Variants in POM121 observed in about 807,000 individuals in gnomAD.
POM121 encodes the protein POM121 transmembrane nucleoporin.
In POM121, 32 loss-of-function variants were observed where a neutral mutation model predicts 81.3. The observed-to-expected ratio is 0.39, with a 90% CI of 0.30 to 0.53. POM121 has a LOEUF of 0.53. POM121 is among the 20% of genes least tolerant of loss of function. POM121 has a pLI of 0.66. For synonymous variants in POM121, 514 were observed against 694.2 expected (o/e 0.74, Z 4.08); for missense variants, 1,138 against 1,614.6 (o/e 0.70, Z 5.06).
intron 3 of POM121, among the ~76,000 whole-genome samples, chr7:72,903,154 G>T (rs1438914972): frequency 2.0e-5 from 3 of 152,080 alleles, no homozygotes; most frequent in Non-Finnish European, 4.4e-5. Context: ...GAAAAAAAGA[G>T]GCCAGGCATA....
At chr7:72,945,164 G>T (rs374399099) in intron 11 of POM121, among the ~76,000 whole-genome samples, 3,594 of 130,138 alleles carry the variant, frequency 0.028, 1 homozygote, top group East Asian at 0.099. Context: ...GAAGGGAGGG[G>T]ACCACGGGGC....
intron 1 of POM121, among the ~76,000 whole-genome samples, chr7:72,889,889 C>G (rs1361995358): frequency 2.6e-5 from 4 of 152,086 alleles, no homozygotes; most frequent in Admixed American, 2.6e-4. Flanking sequence ...ATTCTTCCTC[C>G]CCTTCATCCC....
At chr7:72,900,628 G>A (rs1554492514) in intron 3 of POM121, among the ~76,000 whole-genome samples, 1 of 151,738 alleles carries the variant, frequency 6.6e-6, no homozygotes, top group African/African-American at 2.4e-5. Context: ...CCTCAGCTTG[G>A]GAGTAGCTAG....
intron 3 of POM121, among the ~76,000 whole-genome samples, chr7:72,894,641 G>GAC (rs1329726773): frequency 3.3e-5 from 4 of 121,908 alleles, no homozygotes; most frequent in Admixed American, 1.6e-4. Flanking sequence ...GAGAGAGAGA[G>GAC]AGAGAGAGAG....
intron 3 of POM121, among the ~76,000 whole-genome samples, chr7:72,904,920 C>T (rs1563141565): frequency 1.3e-5 from 2 of 152,136 alleles, no homozygotes; most frequent in Non-Finnish European, 2.9e-5. Flanking sequence ...CATCAGATCT[C>T]GTGAGAACTC....
chr7:72,898,979 C>CTTTTTTT lies in POM121; in HGVS notation c.-216+7889_-216+7895dup, dbSNP rs1176371162. Among the ~76,000 whole-genome samples the CTTTTTTT allele has an allele frequency of 1.3e-3, 46 of 34,104 alleles. 1 individual carries two copies. Among genetic ancestry groups the CTTTTTTT allele is most frequent in the Non-Finnish European group, 2.1e-3 (43 of 20,390 alleles). The allele number at this position is 34,104 out of a possible 152,430, so 22.4% of individuals were successfully genotyped here. A position where few individuals can be genotyped will look rare whatever the true frequency, so the allele number is the denominator to read the frequency against. Reference sequence around the variant, plus strand: ...TCTGTGTTTCTTTTTCTTTTCTTTTCTTTTTTTTTTTTTTTTTTTTTTTTT... The same window carrying CTTTTTTT: ...TCTGTGTTTCTTTTTCTTTTCTTTTCTTTTTTTTTTTTTTTTTTTTTTTTTTTTTTTT... On this transcript the variant is annotated intron_variant, in intron 3 of 15. Transcript: ENST00000395270.
chr7:72,883,057 T>A (rs1387263468), intron 1 of POM121, among the ~76,000 whole-genome samples: 2 of 152,176 alleles, frequency 1.3e-5, no homozygotes, highest in African/African-American at 4.8e-5. Flanking sequence ...TTTCTTTTTT[T>A]GAGATAGGGT....
rs531613413 is a variant in POM121 at position 72,891,036 on chromosome 7, A to T, written c.-290A>T. On this transcript the variant is annotated 5_prime_UTR_variant, in exon 3 of 16. Coordinates refer to the POM121 transcript ENST00000395270. ...ACAAGATATGATATCACCAAGCCAAACGTCATCATTAAGTTGGAGCAGGGA... is the reference window on the plus strand; with the variant it reads ...ACAAGATATGATATCACCAAGCCAATCGTCATCATTAAGTTGGAGCAGGGA... The T allele has an allele frequency of 1.1e-5, 9 of 789,024 alleles. No individual in the cohort carries two copies. In the East Asian group the frequency reaches 2.2e-4, roughly 19 times the overall value. 48.9% of individuals were successfully genotyped at this position (789,024 alleles called of 1,614,324 possible).
At chr7:72,902,414 C>G (rs541028860) in intron 3 of POM121, among the ~76,000 whole-genome samples, 13 of 150,810 alleles carry the variant, frequency 8.6e-5, no homozygotes, top group Non-Finnish European at 1.3e-4. Flanking sequence ...AGGCACCCAC[C>G]ACCATGCCTG....
chr7:72,921,392 T>G (rs1251786358), upstream of POM121, among the ~76,000 whole-genome samples: 1 of 152,134 alleles, frequency 6.6e-6, no homozygotes, highest in Non-Finnish European at 1.5e-5. Flanking sequence ...CATAGTGCCC[T>G]CCTTTCTTTT....
intron 3 of POM121, among the ~76,000 whole-genome samples, chr7:72,893,945 C>G (rs1210600151): frequency 6.6e-6 from 1 of 152,112 alleles, no homozygotes; most frequent in African/African-American, 2.4e-5. Context: ...CTGTGCTGCC[C>G]CCTCCCCCTG....
At chr7:72,918,861 G>A (rs556415203) in intron 4 of POM121, among the ~76,000 whole-genome samples, 2 of 151,838 alleles carry the variant, frequency 1.3e-5, no homozygotes, top group Non-Finnish European at 2.9e-5. Context: ...GCAGTGGCGC[G>A]ATCTCGGCTC....
At chr7:72,881,462 A>G (rs1790151542) in intron 1 of POM121, among the ~76,000 whole-genome samples, 1 of 150,472 alleles carries the variant, frequency 6.6e-6, no homozygotes, top group African/African-American at 2.4e-5. Flanking sequence ...CGGAGCCCTC[A>G]TGACTTCAGT....
intron 5 of POM121, among the ~76,000 whole-genome samples, chr7:72,935,816 A>AT (rs1554499360): frequency 1.3e-5 from 2 of 152,094 alleles, no homozygotes; most frequent in African/African-American, 4.8e-5. Flanking sequence ...GCCTTCATAT[A>AT]TGCTATTCTA....
intron 4 of POM121, among the ~76,000 whole-genome samples, chr7:72,914,507 T>C (rs1222393566): frequency 4.0e-5 from 6 of 151,726 alleles, no homozygotes; most frequent in African/African-American, 1.5e-4. Context: ...TTTTTTTTTT[T>C]TAACTTTTTG....
At chr7:72,933,865 A>G (rs1171042072) in intron 5 of POM121, among the ~76,000 whole-genome samples, 2 of 152,212 alleles carry the variant, frequency 1.3e-5, no homozygotes, top group Non-Finnish European at 2.9e-5. Flanking sequence ...GGAATATACT[A>G]TGTAACTATG....
intron 3 of POM121, among the ~76,000 whole-genome samples, chr7:72,928,119 T>C (rs1337765828): frequency 6.6e-6 from 1 of 152,060 alleles, no homozygotes; most frequent in Non-Finnish European, 1.5e-5. Flanking sequence ...GGCAGGAGAA[T>C]CGCTTGAACC....
At position 72,942,950 on chromosome 7, in the gene POM121, C is replaced by T. The variant is rs782185916; in HGVS notation, c.2957C>T (p.Ala986Val). Residue 986 changes from alanine (A) to valine (V), a missense_variant, in exon 11 of 13, where the codon GCC (alanine) becomes GTC (valine). Physicochemically the swap from Ala to Val is moderately conservative, Grantham distance 64 (BLOSUM62 0). This residue lies in a region of POM121 where 45 missense variants were observed against 75.7 expected (regional missense o/e 0.59). Coordinates refer to ENST00000434423, the MANE Select transcript of POM121 (RefSeq NM_001387691.1). ...CAGCCACCGGGGGCCGCCAAGCCGG[C>T]CCTTGCCCCCAGCTTTGGCAGCTCT... ...EGQPPGAAKP[A>V]LAPSFGSSFT... 4 of 1,606,158 alleles carry T rather than the reference C, an allele frequency of 2.5e-6. No individual in the cohort carries two copies. The highest frequency in any genetic ancestry group is 3.4e-6 in the Non-Finnish European group (4 of 1,176,944).
At chr7:72,945,542 C>T in intron 11 of POM121, 44 bp from the exon 12 acceptor site, 2 of 1,611,036 alleles carry the variant, frequency 1.2e-6, no homozygotes, top group Non-Finnish European at 8.5e-7. Flanking sequence ...TCGCTTGCCT[C>T]TGCCCTCTGC....
Sources: gnomAD v4.1 joint callset for allele counts (sites outside exome capture counted in the v4.1 genomes callset) on GRCh38, gnomAD v4.1.1 for gene constraint, gnomAD v4.1.1 regional missense constraint, MANE v1.5 for transcripts, NCBI Gene and HGNC (gene_info 2026-07-23, HGNC 2026-07-21) for gene names.